CTNND2: variants seen among roughly 807,000 people sequenced by gnomAD.
CTNND2 encodes catenin delta 2.
CTNND2 carries 22 observed loss-of-function variants against 144.4 expected under a neutral mutation model. The ratio of observed to expected loss-of-function variants is 0.15; its 90% confidence interval spans 0.11 to 0.22. The LOEUF is 0.22. CTNND2 is among the 10% of genes least tolerant of loss of function. The pLI, the probability that CTNND2 is intolerant of heterozygous loss-of-function variation, is 1.00. For missense variants in CTNND2, 1,353 were observed against 1,618.8 expected (o/e 0.84, Z 2.82); for synonymous variants, 751 against 695.6 (o/e 1.08, Z -1.25).
intron 12 of CTNND2, among the ~76,000 whole-genome samples, chr5:11,142,365 A>G (rs1388344423): frequency 6.6e-6 from 1 of 152,164 alleles, no homozygotes; most frequent in Non-Finnish European, 1.5e-5. Context: ...GGATCAGATA[A>G]TATTCTTATC....
At chr5:11,521,053 A>C (rs1772678128) in intron 3 of CTNND2, among the ~76,000 whole-genome samples, 1 of 152,184 alleles carries the variant, frequency 6.6e-6, no homozygotes, top group Non-Finnish European at 1.5e-5. Context: ...AGTCATAGGA[A>C]AATAGAGGGG....
intron 1 of CTNND2, among the ~76,000 whole-genome samples, chr5:11,768,705 C>T (rs906326443): frequency 3.9e-5 from 6 of 152,174 alleles, no homozygotes; most frequent in South Asian, 2.1e-4. Context: ...CTATCCCATG[C>T]TCATTGATAA....
intron 16 of CTNND2, among the ~76,000 whole-genome samples, chr5:11,042,231 A>G (rs1000208450): frequency 1.3e-5 from 2 of 152,216 alleles, no homozygotes; most frequent in Non-Finnish European, 2.9e-5. Context: ...CACAACTTAA[A>G]TTAATGTTGA....
At chr5:11,548,712 G>A (rs1425215093) in intron 3 of CTNND2, among the ~76,000 whole-genome samples, 1 of 152,146 alleles carries the variant, frequency 6.6e-6, no homozygotes, top group Admixed American at 6.5e-5. Context: ...TCCGTGTAAA[G>A]TGACAAATCC....
At chr5:11,801,298 G>C (rs1791669211) in intron 1 of CTNND2, among the ~76,000 whole-genome samples, 1 of 152,178 alleles carries the variant, frequency 6.6e-6, no homozygotes, top group Non-Finnish European at 1.5e-5. Flanking sequence ...TACTCACCTA[G>C]GGTGAGTAAC....
intron 3 of CTNND2, among the ~76,000 whole-genome samples, chr5:11,551,708 A>G (rs1581476386): frequency 6.6e-6 from 1 of 151,888 alleles, no homozygotes; most frequent in African/African-American, 2.4e-5. Context: ...AAGTGATTCT[A>G]CTGCCTCAGC....
At chr5:11,680,299 T>G (rs1175821483) in intron 2 of CTNND2, among the ~76,000 whole-genome samples, 2 of 152,134 alleles carry the variant, frequency 1.3e-5, no homozygotes, top group Non-Finnish European at 2.9e-5. Context: ...CCTAGAGCAG[T>G]GGTTTCCACA....
intron 3 of CTNND2, among the ~76,000 whole-genome samples, chr5:11,488,580 C>A (rs80310322): frequency 6.6e-6 from 1 of 152,010 alleles, no homozygotes; most frequent in Non-Finnish European, 1.5e-5. Flanking sequence ...AATTACCAAC[C>A]GAATTGGTAA....
At chr5:11,603,567 T>C (rs886602392) in intron 2 of CTNND2, among the ~76,000 whole-genome samples, 7 of 152,176 alleles carry the variant, frequency 4.6e-5, no homozygotes, top group African/African-American at 1.7e-4. Flanking sequence ...TGGCTAATTA[T>C]AGAGTTTGCT....
chr5:11,849,456 T>A (rs574856065), intron 1 of CTNND2, among the ~76,000 whole-genome samples: 1 of 152,166 alleles, frequency 6.6e-6, no homozygotes, highest in South Asian at 2.1e-4. Flanking sequence ...CTTATGAGAG[T>A]CTGTAAATTC....
At chr5:11,737,896 C>G (rs550186643) in intron 1 of CTNND2, among the ~76,000 whole-genome samples, 2 of 152,322 alleles carry the variant, frequency 1.3e-5, no homozygotes, top group East Asian at 1.9e-4. Flanking sequence ...AGGTGGCCTA[C>G]TGGCACCTTG....
intron 1 of CTNND2, among the ~76,000 whole-genome samples, chr5:11,804,125 T>C (rs1253364978): frequency 6.6e-6 from 1 of 152,168 alleles, no homozygotes; most frequent in Non-Finnish European, 1.5e-5. Context: ...TTTAACAGTA[T>C]ATTACACATT....
intron 9 of CTNND2, among the ~76,000 whole-genome samples, chr5:11,250,520 T>TATATATATATACATATA (rs1491283471): frequency 3.6e-4 from 2 of 5,542 alleles, no homozygotes; most frequent in African/African-American, 8.2e-4. Flanking sequence ...TATACATATA[T>TATATATATATACATATA]TTTTTTTTTT....
chr5:11,317,471 A>C (rs1751630659), intron 9 of CTNND2, among the ~76,000 whole-genome samples: 1 of 152,218 alleles, frequency 6.6e-6, no homozygotes, highest in African/African-American at 2.4e-5. Context: ...TCTCTATAAT[A>C]AACTCCCAAT....
chr5:11,278,722 T>A (rs1302654370), intron 9 of CTNND2, among the ~76,000 whole-genome samples: 1 of 152,182 alleles, frequency 6.6e-6, no homozygotes, highest in Non-Finnish European at 1.5e-5. Context: ...TGAGTCTGGA[T>A]GAAGGAGGGA....
At chr5:11,851,236 A>G (rs1365017644) in intron 1 of CTNND2, among the ~76,000 whole-genome samples, 1 of 146,514 alleles carries the variant, frequency 6.8e-6, no homozygotes, top group African/African-American at 2.5e-5. Flanking sequence ...TCCTTAAAAT[A>G]ATATTCATAT....
At chr5:11,696,755 C>G (rs555343568) in intron 2 of CTNND2, among the ~76,000 whole-genome samples, 1 of 152,162 alleles carries the variant, frequency 6.6e-6, no homozygotes, top group African/African-American at 2.4e-5. Flanking sequence ...GAAACCCAGA[C>G]AGTAGTCATA....
At chr5:11,709,510 G>T (rs1380363890) in intron 2 of CTNND2, among the ~76,000 whole-genome samples, 1 of 152,164 alleles carries the variant, frequency 6.6e-6, no homozygotes, top group Non-Finnish European at 1.5e-5. Context: ...TCAGATAAAA[G>T]AAGATGATGA....
At chr5:11,749,546 G>T (rs1027270383) in intron 1 of CTNND2, among the ~76,000 whole-genome samples, 4 of 151,888 alleles carry the variant, frequency 2.6e-5, no homozygotes, top group African/African-American at 9.7e-5. Context: ...CTCCAAGAAA[G>T]GTTCAAAGTT....
Sources: gnomAD v4.1 joint callset for allele counts (sites outside exome capture counted in the v4.1 genomes callset) on GRCh38, gnomAD v4.1.1 for gene constraint, MANE v1.5 for transcripts, NCBI Gene and HGNC (gene_info 2026-07-23, HGNC 2026-07-21) for gene names.